Variants in LKAAEAR1 observed in about 807,000 individuals in gnomAD.
LKAAEAR1 encodes protein LKAAEAR1.
A neutral mutation model predicts 16.5 loss-of-function variants in LKAAEAR1; 19 were observed. The observed-to-expected ratio is 1.15, with a 90% CI of 0.80 to 1.69. LKAAEAR1 has a LOEUF of 1.69. Among genes scored for constraint, LKAAEAR1 ranks in the 40% most tolerant of loss-of-function variants. The pLI, the probability that LKAAEAR1 is intolerant of heterozygous loss-of-function variation, is 0.00. For synonymous variants in LKAAEAR1, 124 were observed against 152.7 expected, an observed-to-expected ratio of 0.81 and a Z score of 1.39; for missense variants, 304 against 315.8, an observed-to-expected ratio of 0.96 and a Z score of 0.28.
At chr20:64,084,681 G>T (rs2145573674), upstream of LKAAEAR1, among the ~76,000 whole-genome samples, 1 of 152,320 alleles carries the variant, frequency 6.6e-6, no homozygotes, top group East Asian at 1.9e-4. Flanking sequence ...TCGAGGCCTA[G>T]ATGGTTGTGG....
chr20:64,084,297 G>A lies in LKAAEAR1; in HGVS notation c.-78C>T. 4 of 1,299,476 alleles carry A rather than the reference G, an allele frequency of 3.1e-6. No individual in the cohort carries two copies. Among genetic ancestry groups the A allele is most frequent in the East Asian group, 6.4e-5 (2 of 31,076 alleles). The allele number at this position is 1,299,476 out of a possible 1,614,324, so 80.5% of individuals were successfully genotyped here. ...CGGGCCCTGCCCGCCCCTCGGCAGG[G>A]CCCCAACGTGCGCCCCAGCTCCCGC... On this transcript the variant is annotated 5_prime_UTR_variant, in exon 1 of 3. Coordinates refer to ENST00000302096, the MANE Select transcript of LKAAEAR1 (RefSeq NM_001353425.2).
At position 64,084,022 on chromosome 20, in the gene LKAAEAR1, G is replaced by C. The variant is rs890912016; in HGVS notation, c.198C>G (p.Gly66=). The C allele has an allele frequency of 6.7e-7, 1 of 1,502,902 alleles. No individual in the cohort carries two copies. Among genetic ancestry groups the C allele is most frequent in the Non-Finnish European group, 8.8e-7 (1 of 1,135,898 alleles). 93.1% of individuals were successfully genotyped at this position (1,502,902 alleles called of 1,614,324 possible). A position where few individuals can be genotyped will look rare whatever the true frequency, so the allele number is the denominator to read the frequency against. The change falls in exon 1 of 3, where the codon GGC becomes GGG. Residue 66 remains glycine, a synonymous_variant. Coordinates refer to ENST00000302096, the MANE Select transcript of LKAAEAR1 (RefSeq NM_001353425.2). ...CCGCGCCCACGTCCTCCAGCAGGTC[G>C]CCGAAGAGCAGATGGCGGTGGCGCT... is the stretch of plus-strand genomic sequence containing the variant. ...PAQRHRHLLF[G]DLLEDVGAAA...
upstream of LKAAEAR1, among the ~76,000 whole-genome samples, chr20:64,084,620 C>G (rs898282301): frequency 6.6e-6 from 1 of 152,232 alleles, no homozygotes; most frequent in Non-Finnish European, 1.5e-5. Context: ...GCCCCTATGT[C>G]TGCGGTCCCC....
At chr20:64,084,623 C>A (rs532465285), upstream of LKAAEAR1, among the ~76,000 whole-genome samples, 1 of 152,334 alleles carries the variant, frequency 6.6e-6, no homozygotes, top group East Asian at 1.9e-4. Context: ...CCTATGTCTG[C>A]GGTCCCCGAC....
Position 64,083,459 on chromosome 20 carries a change from C to T in LKAAEAR1, c.561G>A (p.Val187=), listed in dbSNP as rs1487115246. ...RRVETILEEN[V]DGTIFPR ...GTCACCGCGGGAAGATGGTGCCATC[C>T]ACGTTCTCCTCCAGGATGGTCTCCA... The change falls in exon 3 of 3, where the codon GTG becomes GTA. Residue 187 remains valine, a synonymous_variant. Coordinates refer to ENST00000302096, the MANE Select transcript of LKAAEAR1 (RefSeq NM_001353425.2). This position sits in a 1 kb window ranked among gnomAD's most constrained non-coding sequence, Gnocchi z 4.9. The T allele has an allele frequency of 6.2e-6, 10 of 1,609,176 alleles. No individual in the cohort carries two copies. Among genetic ancestry groups the T allele is most frequent in the Non-Finnish European group, 8.5e-6 (10 of 1,178,494 alleles).
chr20:64,083,883 C>T lies in LKAAEAR1; in HGVS notation c.337G>A (p.Val113Ile). The change falls in exon 1 of 3, where the codon GTC (valine) becomes ATC (isoleucine). Residue 113 changes from valine to isoleucine, a missense_variant. Val to Ile is a conservative substitution (Grantham distance 29). Transcript: ENST00000302096. The surrounding 1 kb of genome is among the most constrained non-coding windows in gnomAD (Gnocchi z 4.9). ...PAERQNRLLG[V>I]LKAAEARGRV... ...CCGCGGGCCTCCGCTGCCTTGAGGA[C>T]GCCGAGGAGCCGGTTCTGGCGCTCG... 7.0e-7 allele frequency: 1 copy of T among 1,438,532 alleles called. No individual in the cohort carries two copies. The highest frequency in any genetic ancestry group is 3.1e-5 in the East Asian group (1 of 32,786). 89.1% of individuals were successfully genotyped at this position (1,438,532 alleles called of 1,614,324 possible). A position where few individuals can be genotyped will look rare whatever the true frequency, so the allele number is the denominator to read the frequency against.
chr20:64,083,407 G>T lies in LKAAEAR1; in HGVS notation c.*28C>A. 1 of 1,611,746 alleles carries T rather than the reference G, an allele frequency of 6.2e-7. No homozygotes were observed. ...GAATTATAACTTTATGTGGGAGGCT[G>T]GGGCGCGTCGCACACTCTCAGTCGC... On this transcript the variant is annotated 3_prime_UTR_variant, in exon 3 of 3. Transcript: ENST00000302096. This position sits in a 1 kb window ranked among gnomAD's most constrained non-coding sequence, Gnocchi z 4.9.
Position 64,084,292 on chromosome 20 carries a change from G to T in LKAAEAR1, c.-73C>A, listed in dbSNP as rs1397566825. 65 of 1,304,982 alleles carry T rather than the reference G, an allele frequency of 5.0e-5. No individual in the cohort carries two copies. Among genetic ancestry groups the T allele is most frequent in the Non-Finnish European group, 6.1e-5 (63 of 1,029,930 alleles). 80.8% of individuals were successfully genotyped at this position (1,304,982 alleles called of 1,614,324 possible). On this transcript the variant is annotated 5_prime_UTR_variant, in exon 1 of 3. Coordinates refer to ENST00000302096, the MANE Select transcript of LKAAEAR1 (RefSeq NM_001353425.2). ...GGCACCGGGCCCTGCCCGCCCCTCG[G>T]CAGGGCCCCAACGTGCGCCCCAGCT...
In LKAAEAR1 at chr20:64,083,767, C is replaced by A. The variant is rs1487576979; in HGVS notation, c.402+51G>T. On this transcript the variant is annotated intron_variant, in intron 1 of 2. Transcript: ENST00000302096. This position sits in a 1 kb window ranked among gnomAD's most constrained non-coding sequence, Gnocchi z 4.9. ...CGCCCCGCCCCGCCCCGGCCGGCTCCGCTCAACGCTCCCGGTGCGCCCCCT... is the reference window on the plus strand; with the variant it reads ...CGCCCCGCCCCGCCCCGGCCGGCTCAGCTCAACGCTCCCGGTGCGCCCCCT... 3 of 1,332,914 alleles carry A rather than the reference C, an allele frequency of 2.3e-6. No individual in the cohort carries two copies. Among genetic ancestry groups the A allele is most frequent in the African/African-American group, 1.5e-5 (1 of 64,616 alleles). The allele number at this position is 1,332,914 out of a possible 1,614,324, so 82.6% of individuals were successfully genotyped here.
chr20:64,084,117 G>A lies in LKAAEAR1; in HGVS notation c.103C>T (p.Pro35Ser), dbSNP rs1232875026. Residue 35 changes from proline to serine, a missense_variant, in exon 1 of 3, where the codon CCC becomes TCC. Coordinates refer to ENST00000302096, the MANE Select transcript of LKAAEAR1 (RefSeq NM_001353425.2). ...CCCGGCTTGGGGGGCTCTGTCGCGG[G>A]CGCCCCCTTGGCACGCTCCTCACCC... Reference protein sequence around the residue: ...AQGEERAKGAPATEPPKPGWA... With the variant: ...AQGEERAKGASATEPPKPGWA... 3 of 1,471,544 alleles carry A rather than the reference G, an allele frequency of 2.0e-6. No individual in the cohort carries two copies. The highest frequency in any genetic ancestry group is 1.5e-5 in the African/African-American group (1 of 68,268). 91.2% of individuals were successfully genotyped at this position (1,471,544 alleles called of 1,614,324 possible).
rs1025266286 is a variant in LKAAEAR1 at position 64,083,723 on chromosome 20, C to G, written c.403-18G>C. The G allele has an allele frequency of 8.8e-6, 12 of 1,360,392 alleles. No homozygotes were observed. Among genetic ancestry groups the G allele is most frequent in the African/African-American group, 3.1e-5 (2 of 65,012 alleles). 84.3% of individuals were successfully genotyped at this position (1,360,392 alleles called of 1,614,324 possible). A position where few individuals can be genotyped will look rare whatever the true frequency, so the allele number is the denominator to read the frequency against. On this transcript the variant is annotated intron_variant, in intron 1 of 2. Transcript: ENST00000302096. This position sits in a 1 kb window ranked among gnomAD's most constrained non-coding sequence, Gnocchi z 4.9. Reference sequence around the variant, plus strand: ...TCCTCGGCCTGCGGGGCCCGGGTAGCTGAGCGCGCGCCGAGCCCCGCCCCG... The same window carrying G: ...TCCTCGGCCTGCGGGGCCCGGGTAGGTGAGCGCGCGCCGAGCCCCGCCCCG...
Position 64,084,124 on chromosome 20 carries a change from C to CT in LKAAEAR1, c.95dup (p.Ala34GlyfsTer179), listed in dbSNP as rs2060012082. The CT allele has an allele frequency of 6.8e-7, 1 of 1,470,936 alleles. No homozygotes were observed. Among genetic ancestry groups the CT allele is most frequent in the South Asian group, 1.3e-5 (1 of 77,114 alleles). 91.1% of individuals were successfully genotyped at this position (1,470,936 alleles called of 1,614,324 possible). On this transcript the variant is annotated frameshift_variant, in exon 1 of 3. Coordinates refer to ENST00000302096, the MANE Select transcript of LKAAEAR1 (RefSeq NM_001353425.2). LOFTEE classifies it high-confidence loss of function. ...TGGGGGGCTCTGTCGCGGGCGCCCC[C>CT]TTGGCACGCTCCTCACCCTGCGCCG...
Position 64,083,468 on chromosome 20 carries a change from C to T in LKAAEAR1, c.552G>A (p.Glu184=), listed in dbSNP as rs779448811. Residue 184 remains glutamate, a synonymous_variant, in exon 3 of 3, where the codon GAG becomes GAA. Coordinates refer to ENST00000302096, the MANE Select transcript of LKAAEAR1 (RefSeq NM_001353425.2). The surrounding 1 kb of genome is among the most constrained non-coding windows in gnomAD (Gnocchi z 4.9). ...GGAAGATGGTGCCATCCACGTTCTC[C>T]TCCAGGATGGTCTCCACGCGCCTCC... is the stretch of plus-strand genomic sequence containing the variant. ...QERRRVETIL[E]ENVDGTIFPR 4.4e-6 allele frequency: 7 copies of T among 1,606,760 alleles called. No individual in the cohort carries two copies. The highest frequency in any genetic ancestry group is 5.1e-6 in the Non-Finnish European group (6 of 1,177,526).
chr20:64,084,494 T>G, upstream of LKAAEAR1: 1 of 792,806 alleles, frequency 1.3e-6, no homozygotes, highest in Non-Finnish European at 1.7e-6. Flanking sequence ...AGGAAATATC[T>G]TTCCTACCCG....
Position 64,083,908 on chromosome 20 carries a change from G to A in LKAAEAR1, c.312C>T (p.Ala104=), listed in dbSNP as rs113352891. The change falls in exon 1 of 3, where the codon GCC becomes GCT. Residue 104 remains alanine, a synonymous_variant. Coordinates refer to ENST00000302096, the MANE Select transcript of LKAAEAR1 (RefSeq NM_001353425.2). This position sits in a 1 kb window ranked among gnomAD's most constrained non-coding sequence, Gnocchi z 4.9. ...RPWTQSLELP[A]ERQNRLLGVL... is the part of the protein sequence containing the mutation. ...CGCCGAGGAGCCGGTTCTGGCGCTC[G>A]GCGGGCAGCTCGAGCGACTGCGTCC... is the stretch of plus-strand genomic sequence containing the variant. The A allele has an allele frequency of 2.1e-6, 3 of 1,446,804 alleles. No individual in the cohort carries two copies. Among genetic ancestry groups the A allele is most frequent in the Non-Finnish European group, 2.7e-6 (3 of 1,105,566 alleles). The allele number at this position is 1,446,804 out of a possible 1,614,324, so 89.6% of individuals were successfully genotyped here.
rs543635149 is a variant in LKAAEAR1, at chr20:64,083,572, C to T, written c.525+11G>A. ...TCCCCTTTCCCCGCCCCTACCGGGGCTTGTCTGCACCTCTTGGCGGTCCAG... is the reference window on the plus strand; with the variant it reads ...TCCCCTTTCCCCGCCCCTACCGGGGTTTGTCTGCACCTCTTGGCGGTCCAG... On this transcript the variant is annotated intron_variant, in intron 2 of 2. Coordinates refer to ENST00000302096, the MANE Select transcript of LKAAEAR1 (RefSeq NM_001353425.2). The surrounding 1 kb of genome is among the most constrained non-coding windows in gnomAD (Gnocchi z 4.9). The T allele has an allele frequency of 1.1e-5, 17 of 1,522,682 alleles. No individual in the cohort carries two copies. In the East Asian group the frequency reaches 4.2e-4, roughly 38 times the overall value. The allele number at this position is 1,522,682 out of a possible 1,614,324, so 94.3% of individuals were successfully genotyped here. A position where few individuals can be genotyped will look rare whatever the true frequency, so the allele number is the denominator to read the frequency against.
chr20:64,083,891 A>AGCC lies in LKAAEAR1; in HGVS notation c.326_328dup (p.Arg109dup). 1 of 1,442,774 alleles carries AGCC rather than the reference A, an allele frequency of 6.9e-7. No homozygotes were observed. The highest frequency in any genetic ancestry group is 9.1e-7 in the Non-Finnish European group (1 of 1,104,374). The allele number at this position is 1,442,774 out of a possible 1,614,324, so 89.4% of individuals were successfully genotyped here. ...CTCCGCTGCCTTGAGGACGCCGAGG[A>AGCC]GCCGGTTCTGGCGCTCGGCGGGCAG... On this transcript the variant is annotated inframe_insertion, in exon 1 of 3. Coordinates refer to ENST00000302096, the MANE Select transcript of LKAAEAR1 (RefSeq NM_001353425.2). The surrounding 1 kb of genome is among the most constrained non-coding windows in gnomAD (Gnocchi z 4.9).
In LKAAEAR1 at chr20:64,083,683, A is replaced by G. The variant is rs1431967624; in HGVS notation, c.425T>C (p.Ile142Thr). ...RMRAEEIALL[I>T]QRQKSARAAI... is the part of the protein sequence containing the mutation. ...GGCGCGCGCGGACTTCTGCCGCTGG[A>G]TGAGCAGCGCGATCTCCTCGGCCTG... The change falls in exon 2 of 3, where the codon ATC becomes ACC. Residue 142 changes from isoleucine (I) to threonine (T), a missense_variant. Ile to Thr is a moderately conservative substitution (Grantham distance 89). Coordinates refer to ENST00000302096, the MANE Select transcript of LKAAEAR1 (RefSeq NM_001353425.2). The surrounding 1 kb of genome is among the most constrained non-coding windows in gnomAD (Gnocchi z 4.9). The G allele has an allele frequency of 9.1e-6, 13 of 1,422,146 alleles. No individual in the cohort carries two copies. Among genetic ancestry groups the G allele is most frequent in the Non-Finnish European group, 1.1e-5 (12 of 1,095,494 alleles). The allele number at this position is 1,422,146 out of a possible 1,614,324, so 88.1% of individuals were successfully genotyped here. A position where few individuals can be genotyped will look rare whatever the true frequency, so the allele number is the denominator to read the frequency against.
rs748763008 is a variant in LKAAEAR1, at chr20:64,083,884, G to T, written c.336C>A (p.Gly112=). 6 of 1,438,480 alleles carry T rather than the reference G, an allele frequency of 4.2e-6. No homozygotes were observed. In the African/African-American group the frequency reaches 7.5e-5, roughly 18 times the overall value. 89.1% of individuals were successfully genotyped at this position (1,438,480 alleles called of 1,614,324 possible). A position where few individuals can be genotyped will look rare whatever the true frequency, so the allele number is the denominator to read the frequency against. ...CGCGGGCCTCCGCTGCCTTGAGGAC[G>T]CCGAGGAGCCGGTTCTGGCGCTCGG... ...LPAERQNRLL[G]VLKAAEARGR... is the part of the protein sequence containing the mutation. The change falls in exon 1 of 3, where the codon GGC becomes GGA. Residue 112 remains glycine (G), a synonymous_variant. Coordinates refer to ENST00000302096, the MANE Select transcript of LKAAEAR1 (RefSeq NM_001353425.2). The surrounding 1 kb of genome is among the most constrained non-coding windows in gnomAD (Gnocchi z 4.9).
Sources: gnomAD v4.1 joint callset for allele counts (sites outside exome capture counted in the v4.1 genomes callset) on GRCh38, gnomAD v4.1.1 for gene constraint, Gnocchi (gnomAD v3.1) non-coding constraint, MANE v1.5 for transcripts, NCBI Gene and HGNC (gene_info 2026-07-23, HGNC 2026-07-21) for gene names.